The following IL31RA variants were observed in gnomAD, a reference collection of about 807,000 sequenced individuals.
IL31RA encodes interleukin-31 receptor subunit alpha.
A neutral mutation model predicts 83.7 loss-of-function variants in IL31RA; 66 were observed. The observed-to-expected ratio is 0.79, with a 90% confidence interval of 0.65 to 0.97. IL31RA has a LOEUF of 0.97. Ranked by LOEUF, IL31RA falls within the 50% of genes least tolerant of loss-of-function variation. The pLI, the probability that IL31RA is intolerant of heterozygous loss-of-function variation, is 0.00. For missense variants in IL31RA, 798 were observed against 919.4 expected (o/e 0.87, Z 1.71); for synonymous variants, 325 against 329.0 (o/e 0.99, Z 0.13).
intron 14 of IL31RA, among the ~76,000 whole-genome samples, chr5:55,915,293 C>A (rs571068445): frequency 1.3e-5 from 2 of 152,294 alleles, no homozygotes; most frequent in South Asian, 4.1e-4. Context: ...ATTTACAAAG[C>A]AGCCAAGAGC....
chr5:55,868,504 G>A (rs771621964), intron 2 of IL31RA, among the ~76,000 whole-genome samples: 4 of 152,142 alleles, frequency 2.6e-5, no homozygotes, highest in Non-Finnish European at 5.9e-5. Context: ...TACTTTGTAT[G>A]TATTTCTTGG....
the IL31RA span, among the ~76,000 whole-genome samples, chr5:55,845,355 G>A: frequency 6.6e-6 from 1 of 152,162 alleles, no homozygotes; most frequent in Non-Finnish European, 1.5e-5. Context: ...TTGTGGTACA[G>A]GTGGATTTCA....
chr5:55,882,605 A>G lies in IL31RA; in HGVS notation c.455-439A>G, dbSNP rs148359853. On this transcript the variant is annotated intron_variant, in intron 4 of 14. Coordinates refer to ENST00000652347, the MANE Select transcript of IL31RA (RefSeq NM_139017.7). ...GAAAAATGCATATTTTCAAAGAGAGAAATTTAAGGCTAAAATGTTTGCAGT... is the reference window on the plus strand; with the variant it reads ...GAAAAATGCATATTTTCAAAGAGAGGAATTTAAGGCTAAAATGTTTGCAGT... 2.0e-5 allele frequency among the ~76,000 whole-genome samples: 3 copies of G among 152,350 alleles called. No homozygotes were observed. In the East Asian group the frequency reaches 5.8e-4, roughly 29 times the overall value.
chr5:55,916,517 T>C (rs988552692), intron 14 of IL31RA, 127 bp from the exon 15 acceptor site: 7 of 805,870 alleles, frequency 8.7e-6, no homozygotes, highest in African/African-American at 8.4e-5. Flanking sequence ...CTACCACTTC[T>C]GGGCCTGGGA....
At chr5:55,872,645 AGGG>A (rs2112386048) in intron 4 of IL31RA, among the ~76,000 whole-genome samples, 194 bp downstream of exon 4, 1 of 123,254 alleles carries the variant, frequency 8.1e-6, no homozygotes, top group African/African-American at 3.0e-5. Context: ...GGAGGGAGGG[AGGG>A]AGGGATTCAC....
rs533302146 is a variant in IL31RA at position 55,903,266 on chromosome 5, C to T, written c.1070-2840C>T. 2.0e-5 allele frequency among the ~76,000 whole-genome samples: 3 copies of T among 152,314 alleles called. No individual in the cohort carries two copies. In the East Asian group the frequency reaches 5.8e-4, roughly 29 times the overall value. ...GGGCAGAGCTCAGGATGGGCCAGGA[C>T]GGTTGGCAAAGGAGAAGCAGCACCA... On this transcript the variant is annotated intron_variant, in intron 8 of 14. Transcript: ENST00000652347. This position sits in a 1 kb window ranked among gnomAD's most constrained non-coding sequence, Gnocchi z 4.7.
the IL31RA span, among the ~76,000 whole-genome samples, chr5:55,840,609 G>A: frequency 6.6e-6 from 1 of 152,158 alleles, no homozygotes; most frequent in Non-Finnish European, 1.5e-5. Context: ...GCATTTTGAA[G>A]GACCTGCTGT....
chr5:55,887,579 A>G (rs978131537), intron 5 of IL31RA, among the ~76,000 whole-genome samples: 1 of 152,072 alleles, frequency 6.6e-6, no homozygotes, highest in African/African-American at 2.4e-5. Context: ...GTCTCTACGA[A>G]AAATACAAAA....
At chr5:55,879,450 T>TTTTTTTTTTTTTTTTTTTTTTTTTTTTA (rs1747067103) in intron 4 of IL31RA, among the ~76,000 whole-genome samples, 1 of 141,386 alleles carries the variant, frequency 7.1e-6, no homozygotes, top group Non-Finnish European at 1.5e-5. Flanking sequence ...TTTTTTTTTT[T>TTTTTTTTTTTTTTTTTTTTTTTTTTTTA]GAGATGGAGT....
intron 8 of IL31RA, among the ~76,000 whole-genome samples, chr5:55,904,443 T>C (rs1034575962): frequency 3.9e-4 from 59 of 152,122 alleles, no homozygotes; most frequent in Non-Finnish European, 2.9e-5. Context: ...TGGGTATGCT[T>C]CCAGGCGGTG....
rs1749809504 is a variant in IL31RA at position 55,916,776 on chromosome 5, A to G, written c.1951A>G (p.Ile651Val). Residue 651 changes from isoleucine to valine, a missense_variant, in exon 15 of 15, where the codon ATT becomes GTT. Transcript: ENST00000652347. ...GAACTTTGGGAATGTTCTGCAAGAA[A>G]TTTTCACAGATGAAGCCAGAACGGG... ...VVNFGNVLQE[I>V]FTDEARTGQE... is the part of the protein sequence containing the mutation. 6.2e-7 allele frequency: 1 copy of G among 1,614,186 alleles called. No individual in the cohort carries two copies. Among genetic ancestry groups the G allele is most frequent in the Non-Finnish European group, 8.5e-7 (1 of 1,180,034 alleles).
chr5:55,908,569 C>A, intron 11 of IL31RA, 158 bp downstream of exon 11: 1 of 1,558,910 alleles, frequency 6.4e-7, no homozygotes. Flanking sequence ...GGGCCAAGAG[C>A]ACCCACCTTT....
chr5:55,868,695 A>G (rs146740926), intron 2 of IL31RA, 96 bp from the exon 3 acceptor site: 14 of 829,360 alleles, frequency 1.7e-5, no homozygotes, highest in South Asian at 2.7e-5. Context: ...CTAGCTTTTG[A>G]TCAGCATATT....
the IL31RA span, among the ~76,000 whole-genome samples, chr5:55,840,706 T>G: frequency 7.2e-5 from 11 of 152,358 alleles, no homozygotes; most frequent in Admixed American, 6.5e-4. Context: ...CTTATTCTGC[T>G]GGTGTACATC....
chr5:55,851,351 T>G, upstream of IL31RA: 2 of 679,488 alleles, frequency 2.9e-6, no homozygotes, highest in Non-Finnish European at 4.9e-6. Flanking sequence ...ATTTTCTCCA[T>G]GAGGCACAGC....
intron 6 of IL31RA, among the ~76,000 whole-genome samples, chr5:55,892,176 A>G (rs892807839): frequency 1.3e-5 from 2 of 152,190 alleles, no homozygotes; most frequent in African/African-American, 4.8e-5. Flanking sequence ...TGAATGATGG[A>G]CAAGAAATTT....
chr5:55,907,520 A>ACT, intron 10 of IL31RA, 60 bp downstream of exon 10: 1 of 1,128,716 alleles, frequency 8.9e-7, no homozygotes, highest in Non-Finnish European at 1.4e-6. Flanking sequence ...CCACATGCCG[A>ACT]TAAGGCTGCA....
At chr5:55,861,640 A>G (rs1451041069) in intron 2 of IL31RA, among the ~76,000 whole-genome samples, 3 of 152,218 alleles carry the variant, frequency 2.0e-5, no homozygotes, top group South Asian at 4.1e-4. Context: ...ACAGGCAGGC[A>G]GGACTATTGC....
At chr5:55,848,097 G>A (rs1228837703), upstream of IL31RA, among the ~76,000 whole-genome samples, 1 of 152,128 alleles carries the variant, frequency 6.6e-6, no homozygotes, top group East Asian at 1.9e-4. Context: ...GGTAGTGTTT[G>A]CCAGGTTTCT....
Sources: allele counts gnomAD v4.1 joint callset (sites outside exome capture counted in the v4.1 genomes callset), GRCh38; gene constraint gnomAD v4.1.1; non-coding constraint Gnocchi (gnomAD v3.1); transcripts MANE v1.5; gene names NCBI Gene and HGNC (gene_info 2026-07-23, HGNC 2026-07-21).